GPR83: variants seen among roughly 807,000 people sequenced by gnomAD.
GPR83 encodes G protein-coupled receptor 83.
Under a neutral mutation model 28.0 loss-of-function variants are expected in GPR83, and 23 were observed. That is an observed-to-expected ratio of 0.82 (90% CI 0.59 to 1.16). The LOEUF is 1.16. GPR83 is among the 50% of genes most tolerant of loss of function. The pLI is 0.00. For missense variants in GPR83, 610 were observed against 536.6 expected (o/e 1.14, Z -1.35); for synonymous variants, 234 against 215.4 (o/e 1.09, Z -0.76).
intron 3 of GPR83, among the ~76,000 whole-genome samples, chr11:94,382,027 C>T (rs115751623): frequency 1.2e-3 from 190 of 152,222 alleles, no homozygotes; most frequent in African/African-American, 4.5e-3. Flanking sequence ...CTGCCTTTAT[C>T]ACAAAACCTG....
At position 94,401,285 on chromosome 11, in the gene GPR83, C is replaced by T; in HGVS notation, c.-38G>A. On this transcript the variant is annotated 5_prime_UTR_variant, in exon 1 of 4. Transcript: ENST00000243673. ...ACCCCTCCCCTGGGAGCCTGCGGGCCGGGCGTCCCCTCCCGCTGGGATCGG... is the reference window on the plus strand; with the variant it reads ...ACCCCTCCCCTGGGAGCCTGCGGGCTGGGCGTCCCCTCCCGCTGGGATCGG... 6.5e-7 allele frequency: 1 copy of T among 1,539,066 alleles called. No individual in the cohort carries two copies. Among genetic ancestry groups the T allele is most frequent in the Non-Finnish European group, 8.7e-7 (1 of 1,149,608 alleles).
intron 2 of GPR83, among the ~76,000 whole-genome samples, chr11:94,394,089 G>T (rs1189183260): frequency 6.6e-6 from 1 of 152,138 alleles, no homozygotes; most frequent in Non-Finnish European, 1.5e-5. Context: ...AGAGGACTGG[G>T]GAGGGGTCCA....
In GPR83 at chr11:94,379,917, C is replaced by T. The variant is rs888212498; in HGVS notation, c.*232G>A. On this transcript the variant is annotated 3_prime_UTR_variant, in exon 4 of 4. Coordinates refer to ENST00000243673, the MANE Select transcript of GPR83 (RefSeq NM_016540.4). ...TTCCTCAGAGATACAGGCTGCTGTG[C>T]CTCCCAGTGTTTCTTAGATGGGAAT... is the stretch of plus-strand genomic sequence containing the variant. 1 of 377,368 alleles carries T rather than the reference C, an allele frequency of 2.6e-6. No individual in the cohort carries two copies. Among genetic ancestry groups the T allele is most frequent in the East Asian group, 3.9e-5 (1 of 25,726 alleles). 23.4% of individuals were successfully genotyped at this position (377,368 alleles called of 1,614,324 possible). A position where few individuals can be genotyped will look rare whatever the true frequency, so the allele number is the denominator to read the frequency against.
In GPR83 at chr11:94,383,434, G is replaced by A. The variant is rs368463018; in HGVS notation, c.648-2661C>T. The stretch of plus-strand genomic sequence containing the variant: ...CATCAAAATTAAAAGAACTCAAGAA[G>A]CAACAGCAAACAAATTCAAAAGCTA... On this transcript the variant is annotated intron_variant, in intron 3 of 3. Coordinates refer to ENST00000243673, the MANE Select transcript of GPR83 (RefSeq NM_016540.4). 2.0e-4 allele frequency among the ~76,000 whole-genome samples: 31 copies of A among 152,144 alleles called. No individual in the cohort carries two copies. In the East Asian group the frequency reaches 2.5e-3, roughly 12 times the overall value.
At chr11:94,398,641 T>C (rs1944886808) in intron 1 of GPR83, among the ~76,000 whole-genome samples, 1 of 152,200 alleles carries the variant, frequency 6.6e-6, no homozygotes, top group South Asian at 2.1e-4. Flanking sequence ...CTGTAAGTAA[T>C]TGTCTGCTTT....
intron 3 of GPR83, among the ~76,000 whole-genome samples, chr11:94,382,651 A>G (rs776849703): frequency 1.3e-4 from 20 of 152,210 alleles, no homozygotes; most frequent in Non-Finnish European, 2.6e-4. Context: ...AAGGATATTC[A>G]GCACTTGAAC....
chr11:94,380,331 G>A lies in GPR83; in HGVS notation c.1090C>T (p.Gln364Ter). Reference protein sequence around the residue: ...IELKALLSMCQRPPKPQEDRP... With the variant: ...IELKALLSMC Reference sequence around the variant, plus strand: ...TCCTCCTGAGGCTTGGGAGGTCTTTGACACATGCTCAGTAATGCCTTTAGC... The same window carrying A: ...TCCTCCTGAGGCTTGGGAGGTCTTTAACACATGCTCAGTAATGCCTTTAGC... Residue 364 changes from glutamine (Q) to a stop codon, truncating the protein, a stop_gained, in exon 4 of 4, where the codon CAA becomes TAA. Transcript: ENST00000243673. LOFTEE classifies it low-confidence loss of function (END_TRUNC). 4 of 1,613,248 alleles carry A rather than the reference G, an allele frequency of 2.5e-6. No individual in the cohort carries two copies. Among genetic ancestry groups the A allele is most frequent in the Non-Finnish European group, 3.4e-6 (4 of 1,179,410 alleles).
intron 1 of GPR83, among the ~76,000 whole-genome samples, chr11:94,397,614 TA>T (rs1401090467): frequency 2.6e-5 from 4 of 152,244 alleles, no homozygotes; most frequent in African/African-American, 9.6e-5. Context: ...TAAAATGGGC[TA>T]ACCCTTTTCA....
Position 94,401,356 on chromosome 11 carries a change from G to A in GPR83, c.-109C>T, listed in dbSNP as rs1225506493. ...GGCGCACAGCATACAAGGCCGTCCC[G>A]AGGAGCCAGGGAGCCCGGACGCGCG... On this transcript the variant is annotated 5_prime_UTR_variant, in exon 1 of 4. Transcript: ENST00000243673. 5 of 1,087,012 alleles carry A rather than the reference G, an allele frequency of 4.6e-6. No individual in the cohort carries two copies. The highest frequency in any genetic ancestry group is 3.3e-5 in the African/African-American group (2 of 60,330). 67.3% of individuals were successfully genotyped at this position (1,087,012 alleles called of 1,614,324 possible).
At chr11:94,386,734 T>G (rs1240518052) in intron 3 of GPR83, among the ~76,000 whole-genome samples, 1 of 152,198 alleles carries the variant, frequency 6.6e-6, no homozygotes, top group East Asian at 1.9e-4. Flanking sequence ...AATGGGAGAC[T>G]TTAACACCAC....
chr11:94,380,835 G>C, intron 3 of GPR83, 62 bp from the exon 4 acceptor site: 1 of 1,455,378 alleles, frequency 6.9e-7, no homozygotes, highest in Non-Finnish European at 9.3e-7. Context: ...GTGTGGAAAG[G>C]CTTCATCCCA....
intron 3 of GPR83, among the ~76,000 whole-genome samples, chr11:94,391,812 G>C (rs990685493): frequency 9.9e-5 from 15 of 152,138 alleles, no homozygotes; most frequent in Non-Finnish European, 2.1e-4. Context: ...TCATTAAAAA[G>C]TCAGGAAACA....
intron 2 of GPR83, among the ~76,000 whole-genome samples, chr11:94,395,259 ACTTCT>A (rs1238831316): frequency 6.6e-6 from 1 of 152,310 alleles, no homozygotes; most frequent in South Asian, 2.1e-4. Flanking sequence ...ACCTTTAGAC[ACTTCT>A]ATGAGAGAAT....
At chr11:94,380,893 A>C in intron 3 of GPR83, 120 bp from the exon 4 acceptor site, 1 of 786,864 alleles carries the variant, frequency 1.3e-6, no homozygotes, top group Non-Finnish European at 2.0e-6. Flanking sequence ...CATCCATCTA[A>C]TATGGCACTT....
intron 1 of GPR83, 47 bp from the exon 2 acceptor site, chr11:94,396,571 T>G: frequency 6.2e-7 from 1 of 1,601,410 alleles, no homozygotes; most frequent in Non-Finnish European, 8.5e-7. Flanking sequence ...GCCTTGACTT[T>G]GACACCCATC....
chr11:94,382,080 C>T (rs117639506), intron 3 of GPR83, among the ~76,000 whole-genome samples: 111 of 152,250 alleles, frequency 7.3e-4, no homozygotes, highest in Non-Finnish European at 1.2e-3. Flanking sequence ...AGGCCCAGCA[C>T]GGTGGCTCAT....
chr11:94,399,959 G>T (rs1944895898), intron 1 of GPR83, among the ~76,000 whole-genome samples: 1 of 152,148 alleles, frequency 6.6e-6, no homozygotes, highest in African/African-American at 2.4e-5. Context: ...CCCCCAGCCT[G>T]CCCGATTTCT....
At chr11:94,400,410 G>A (rs912184527) in intron 1 of GPR83, among the ~76,000 whole-genome samples, 5 of 151,672 alleles carry the variant, frequency 3.3e-5, no homozygotes, top group African/African-American at 1.2e-4. Context: ...AGGCAGGGGA[G>A]AGAGGAAGAG....
intron 3 of GPR83, 31 bp from the exon 4 acceptor site, chr11:94,380,804 G>A (rs759575842): frequency 1.3e-6 from 2 of 1,574,366 alleles, no homozygotes; most frequent in East Asian, 2.2e-5. Context: ...GGGGGAGAGA[G>A]GTAACAGAAA....
Sources: allele counts gnomAD v4.1 joint callset (sites outside exome capture counted in the v4.1 genomes callset), GRCh38; gene constraint gnomAD v4.1.1; transcripts MANE v1.5; gene names NCBI Gene and HGNC (gene_info 2026-07-23, HGNC 2026-07-21).